The following POLR3C variants were observed in gnomAD, a reference collection of about 807,000 sequenced individuals.
POLR3C encodes the protein DNA-directed RNA polymerase III subunit RPC3.
In POLR3C, 44 loss-of-function variants were observed where a neutral mutation model predicts 65.9. The ratio of observed to expected loss-of-function variants is 0.67; its 90% confidence interval spans 0.52 to 0.86. The LOEUF is 0.86. Among genes scored for constraint, POLR3C ranks in the 40% least tolerant of loss-of-function variants. POLR3C has a pLI of 0.00. For missense variants in POLR3C, 576 were observed against 653.2 expected, an observed-to-expected ratio of 0.88 and a Z score of 1.29; for synonymous variants, 263 against 231.6, an observed-to-expected ratio of 1.14 and a Z score of -1.23.
rs1173169400 is a variant in POLR3C, at chr1:145,843,290, C to T, written c.*870C>T. On this transcript the variant is annotated 3_prime_UTR_variant, in exon 15 of 15. Coordinates refer to ENST00000334163, the MANE Select transcript of POLR3C (RefSeq NM_006468.8). ...AGCGCCTTCCTCTTCTCCATGGTTC[C>T]TTAAAACTGGCAACGCTAAATTCTC... Among the ~76,000 whole-genome samples the T allele has an allele frequency of 3.3e-5, 5 of 152,164 alleles. No individual in the cohort carries two copies. The highest frequency in any genetic ancestry group is 4.8e-5 in the African/African-American group (2 of 41,438).
chr1:145,837,496 G>T, intron 9 of POLR3C, 40 bp from the exon 10 acceptor site: 1 of 1,103,370 alleles, frequency 9.1e-7, no homozygotes, highest in Non-Finnish European at 1.3e-6. Context: ...CAATAACTAG[G>T]CCAAAACATT....
chr1:145,832,864 A>C (rs1210591337), intron 5 of POLR3C, among the ~76,000 whole-genome samples: 1 of 152,074 alleles, frequency 6.6e-6, no homozygotes, highest in African/African-American at 2.4e-5. Flanking sequence ...TCTACTAAAA[A>C]TACAAAAATT....
At chr1:145,842,112 C>G (rs1652338372) in intron 14 of POLR3C, among the ~76,000 whole-genome samples, 1 of 152,260 alleles carries the variant, frequency 6.6e-6, no homozygotes, top group Non-Finnish European at 1.5e-5. Context: ...AGACTACCTT[C>G]CCCCAGGACA....
In POLR3C at chr1:145,836,843, G is replaced by C; in HGVS notation, c.986G>C (p.Ser329Thr). ...PLEFVGKSGD[S>T]GGGMYVINLH... ...GAGTTTGTTGGAAAGTCTGGCGACA[G>C]TGGTGGAGGAATGTATGTCATCAGT... The change falls in exon 9 of 15, where the codon AGT (serine) becomes ACT (threonine). Residue 329 changes from serine to threonine, a missense_variant. Transcript: ENST00000334163. The C allele has an allele frequency of 1.9e-6, 3 of 1,594,728 alleles. No individual in the cohort carries two copies. The highest frequency in any genetic ancestry group is 2.6e-6 in the Non-Finnish European group (3 of 1,163,402).
At chr1:145,831,994 A>G (rs587692679) in intron 5 of POLR3C, among the ~76,000 whole-genome samples, 2 of 152,252 alleles carry the variant, frequency 1.3e-5, no homozygotes, top group East Asian at 1.9e-4. Context: ...GTGAGCTACA[A>G]TCACACCACT....
chr1:145,841,401 C>T (rs1190674346), intron 14 of POLR3C, among the ~76,000 whole-genome samples: 1 of 152,248 alleles, frequency 6.6e-6, no homozygotes, highest in Non-Finnish European at 1.5e-5. Flanking sequence ...GCTGGGACTA[C>T]AGGCAAGTGC....
At chr1:145,837,906 C>T (rs1553729210) in intron 10 of POLR3C, 150 bp from the exon 11 acceptor site, 2 of 705,692 alleles carry the variant, frequency 2.8e-6, no homozygotes, top group Non-Finnish European at 4.7e-6. Context: ...CTTACCATCA[C>T]CAACCTATGG....
Position 145,837,519 on chromosome 1 carries a change from T to C in POLR3C, c.1010-17T>C, listed in dbSNP as rs1253008671. 3 of 1,503,296 alleles carry C rather than the reference T, an allele frequency of 2.0e-6. No individual in the cohort carries two copies. In the Admixed American group the frequency reaches 5.9e-5, roughly 29 times the overall value. 93.1% of individuals were successfully genotyped at this position (1,503,296 alleles called of 1,614,324 possible). On this transcript the variant is annotated splice_polypyrimidine_tract_variant and intron_variant, in intron 9 of 14. Transcript: ENST00000334163. ...AGGCCAAAACATTACTGAGTGACCTTAATTCTCTACATAAAGACCTCCATA... is the reference window on the plus strand; with the variant it reads ...AGGCCAAAACATTACTGAGTGACCTCAATTCTCTACATAAAGACCTCCATA...
rs782790840 is a variant in POLR3C, at chr1:145,836,499, C to T, written c.882C>T (p.Phe294=). The change falls in exon 8 of 15, where the codon TTC becomes TTT. Residue 294 remains phenylalanine (F), a synonymous_variant. Coordinates refer to ENST00000334163, the MANE Select transcript of POLR3C (RefSeq NM_006468.8). ...AAGTGTCCTTTGCTCCATAGATCTT[C>T]AGATCCCTACCTGTTGGCTATAACA... ...FTQPLSSNEI[F]RSLPVGYNIS... is the part of the protein sequence containing the mutation. 1.9e-6 allele frequency: 3 copies of T among 1,584,606 alleles called. 1 individual carries two copies. In the South Asian group the frequency reaches 3.3e-5, roughly 18 times the overall value.
Position 145,838,216 on chromosome 1 carries a change from C to T in POLR3C, c.1221+10C>T, listed in dbSNP as rs781972784. ...TTTCATGTCACTCCAGGTAACCAAC[C>T]AAGGGCGTAATAATTGCCAACCAGC... On this transcript the variant is annotated intron_variant, in intron 11 of 14. Coordinates refer to ENST00000334163, the MANE Select transcript of POLR3C (RefSeq NM_006468.8). 1.2e-6 allele frequency: 2 copies of T among 1,610,390 alleles called. No individual in the cohort carries two copies. Among genetic ancestry groups the T allele is most frequent in the African/African-American group, 2.7e-5 (2 of 74,844 alleles).
chr1:145,826,405 C>A (rs373856329), intron 2 of POLR3C, 49 bp from the exon 3 acceptor site: 4 of 1,583,522 alleles, frequency 2.5e-6, no homozygotes, highest in Admixed American at 1.7e-5. Context: ...CAGTAATGAG[C>A]TATATCTTCA....
At chr1:145,831,266 G>A (rs1054689271) in intron 5 of POLR3C, among the ~76,000 whole-genome samples, 2 of 152,116 alleles carry the variant, frequency 1.3e-5, no homozygotes, top group Non-Finnish European at 2.9e-5. Context: ...TGTAATCCTA[G>A]CACTTTGGGA....
rs1652384783 is a variant in POLR3C at position 145,842,757 on chromosome 1, G to C, written c.*337G>C. Among the ~76,000 whole-genome samples, 1 of 141,276 alleles carries C rather than the reference G, an allele frequency of 7.1e-6. No homozygotes were observed. The highest frequency in any genetic ancestry group is 3.0e-5 in the African/African-American group (1 of 33,542). 92.7% of individuals were successfully genotyped at this position (141,276 alleles called of 152,430 possible). On this transcript the variant is annotated 3_prime_UTR_variant, in exon 15 of 15. Transcript: ENST00000334163. ...TCCTAAGAAGTTAATTTTATTTTCA[G>C]ATGTCTATGCCTGTTCTTTATTTTG...
chr1:145,828,630 A>T (rs1650990832), intron 4 of POLR3C, 119 bp from the exon 5 acceptor site: 1 of 705,760 alleles, frequency 1.4e-6, no homozygotes, highest in African/African-American at 1.8e-5. Flanking sequence ...CCCCCTAAGC[A>T]ACTCTGATCT....
chr1:145,832,520 A>T (rs1651421766), intron 5 of POLR3C, among the ~76,000 whole-genome samples: 1 of 152,212 alleles, frequency 6.6e-6, no homozygotes, highest in Admixed American at 6.5e-5. Context: ...AACCTTAGGT[A>T]AAAGGAGCAT....
Position 145,833,506 on chromosome 1 carries a change from T to A in POLR3C, c.800T>A (p.Val267Glu). 1 of 1,613,584 alleles carries A rather than the reference T, an allele frequency of 6.2e-7. No homozygotes were observed. The highest frequency in any genetic ancestry group is 8.5e-7 in the Non-Finnish European group (1 of 1,179,440). The change falls in exon 7 of 15, where the codon GTG (valine) becomes GAG (glutamate). Residue 267 changes from valine to glutamate, a missense_variant. Physicochemically the swap from Val to Glu is moderately radical, Grantham distance 121. Coordinates refer to ENST00000334163, the MANE Select transcript of POLR3C (RefSeq NM_006468.8). ...TTCAAACAGACAAGCAGCGAGATTG[T>A]GCGAACCATGCTCCGAATGAGTGAG... Reference protein sequence around the residue: ...NRMDQTSSEIVRTMLRMSEIT... With the variant: ...NRMDQTSSEIERTMLRMSEIT...
chr1:145,830,798 C>CAA (rs143384623), intron 5 of POLR3C, among the ~76,000 whole-genome samples: 39 of 139,160 alleles, frequency 2.8e-4, no homozygotes, highest in East Asian at 1.1e-3. Context: ...GACTCCATCT[C>CAA]AAAAAAAAAA....
chr1:145,841,138 T>C (rs1652259744), intron 14 of POLR3C, 67 bp downstream of exon 14: 2 of 1,384,058 alleles, frequency 1.4e-6, no homozygotes, highest in East Asian at 4.6e-5. Flanking sequence ...TGACCTCCTG[T>C]AACCCTCCAG....
chr1:145,828,869 C>T (rs372001986), intron 5 of POLR3C, 32 bp downstream of exon 5: 105 of 1,196,484 alleles, frequency 8.8e-5, no homozygotes, highest in Middle Eastern at 7.5e-4. Context: ...AAGTCCTCAC[C>T]CTGAAGCAGG....
Sources: gnomAD v4.1 joint callset for allele counts (sites outside exome capture counted in the v4.1 genomes callset) on GRCh38, gnomAD v4.1.1 for gene constraint, MANE v1.5 for transcripts, NCBI Gene and HGNC (gene_info 2026-07-23, HGNC 2026-07-21) for gene names.